Variants in PTPRD observed in about 807,000 individuals in gnomAD.
PTPRD encodes the protein protein tyrosine phosphatase receptor type D.
In PTPRD, 34 loss-of-function variants were observed where a neutral mutation model predicts 214.5. The ratio of observed to expected loss-of-function variants is 0.16; its 90% CI spans 0.12 to 0.21. The LOEUF is 0.21. Ranked by LOEUF, PTPRD falls within the 10% of genes least tolerant of loss-of-function variation. PTPRD has a pLI of 1.00. For synonymous variants in PTPRD, 1,128 were observed against 845.7 expected, an observed-to-expected ratio of 1.33 and a Z score of -5.79; for missense variants, 2,545 against 2,398.7, an observed-to-expected ratio of 1.06 and a Z score of -1.27.
intron 3 of PTPRD, among the ~76,000 whole-genome samples, chr9:10,046,266 T>C (rs2097393312): frequency 6.6e-6 from 1 of 151,828 alleles, no homozygotes; most frequent in Non-Finnish European, 1.5e-5. Flanking sequence ...TTCTCAGTTA[T>C]CCATACAATT....
chr9:8,521,755 G>A (rs2097895328), intron 19 of PTPRD, among the ~76,000 whole-genome samples: 1 of 152,118 alleles, frequency 6.6e-6, no homozygotes, highest in Non-Finnish European at 1.5e-5. Context: ...TTTAGTCATT[G>A]ATATCTTAGA....
chr9:9,782,462 A>C (rs2098857795), intron 5 of PTPRD, among the ~76,000 whole-genome samples: 1 of 152,206 alleles, frequency 6.6e-6, no homozygotes, highest in Admixed American at 6.5e-5. Flanking sequence ...ATCATAGACT[A>C]ATTGAGGTAT....
chr9:9,756,202 A>G (rs138321327), intron 6 of PTPRD, among the ~76,000 whole-genome samples: 1 of 152,202 alleles, frequency 6.6e-6, no homozygotes, highest in East Asian at 1.9e-4. Context: ...CATAAATTCT[A>G]ACTCTGAGTC....
chr9:10,248,529 A>C (rs956603786), intron 3 of PTPRD, among the ~76,000 whole-genome samples: 4 of 134,606 alleles, frequency 3.0e-5, no homozygotes, highest in East Asian at 2.1e-4. Context: ...AAAAAAAATA[A>C]AAAAAATAAA....
At chr9:10,175,211 A>G (rs1486649645) in intron 3 of PTPRD, among the ~76,000 whole-genome samples, 1 of 152,050 alleles carries the variant, frequency 6.6e-6, no homozygotes, top group Non-Finnish European at 1.5e-5. Flanking sequence ...CTTAAATCTG[A>G]TAAGGTCACT....
intron 9 of PTPRD, among the ~76,000 whole-genome samples, chr9:9,333,049 A>G (rs1290790951): frequency 1.3e-5 from 2 of 152,040 alleles, no homozygotes; most frequent in Non-Finnish European, 2.9e-5. Context: ...CACTTCAAGC[A>G]TTTATTAAAT....
At chr9:8,412,577 GCA>G (rs1052344182) in intron 35 of PTPRD, among the ~76,000 whole-genome samples, 3 of 152,104 alleles carry the variant, frequency 2.0e-5, no homozygotes, top group South Asian at 2.1e-4. Flanking sequence ...AGTACCTGAT[GCA>G]CAGTTATTAC....
intron 12 of PTPRD, among the ~76,000 whole-genome samples, chr9:8,655,145 A>G (rs375834180): frequency 3.9e-5 from 6 of 152,324 alleles, no homozygotes; most frequent in African/African-American, 1.2e-4. Context: ...CAAAGTGGCA[A>G]TCCAGCCTAG....
At chr9:8,959,067 C>G (rs904537118) in intron 11 of PTPRD, among the ~76,000 whole-genome samples, 3 of 151,988 alleles carry the variant, frequency 2.0e-5, no homozygotes, top group African/African-American at 7.2e-5. Flanking sequence ...CTCACTAAGC[C>G]AAGACATACT....
intron 36 of PTPRD, among the ~76,000 whole-genome samples, chr9:8,394,466 C>G (rs2090530659): frequency 6.6e-6 from 1 of 152,152 alleles, no homozygotes; most frequent in African/African-American, 2.4e-5. Flanking sequence ...CAATAGCAAG[C>G]ACTTGCTAAG....
At chr9:9,431,359 A>G (rs2083040542) in intron 8 of PTPRD, among the ~76,000 whole-genome samples, 1 of 152,182 alleles carries the variant, frequency 6.6e-6, no homozygotes, top group South Asian at 2.1e-4. Flanking sequence ...ATGAGATACC[A>G]TCTCACACCA....
Position 9,359,545 on chromosome 9 carries a change from G to A in PTPRD, c.-203+37904C>T, listed in dbSNP as rs112467281. On this transcript the variant is annotated intron_variant, in intron 9 of 45. Transcript: ENST00000381196. ...AAGAACAATTCTGCAGCATGGCTGG[G>A]ATTCAATAATTATTACCCCTCCCAA... 4.6e-3 allele frequency among the ~76,000 whole-genome samples: 690 copies of A among 151,278 alleles called. 11 individuals carry two copies. The highest frequency in any genetic ancestry group is 0.016 in the African/African-American group (664 of 41,418).
intron 2 of PTPRD, among the ~76,000 whole-genome samples, chr9:10,486,005 C>G (rs961841854): frequency 6.7e-6 from 1 of 148,474 alleles, no homozygotes; most frequent in African/African-American, 2.5e-5. Context: ...AGTGTCTGTT[C>G]ACATCTTTTT....
intron 3 of PTPRD, among the ~76,000 whole-genome samples, chr9:10,226,038 G>T (rs1594751532): frequency 6.6e-6 from 1 of 152,018 alleles, no homozygotes; most frequent in African/African-American, 2.4e-5. Flanking sequence ...TTCAAGGCCT[G>T]CTACATAATG....
At chr9:10,281,824 T>C (rs2095129588) in intron 3 of PTPRD, among the ~76,000 whole-genome samples, 2 of 152,194 alleles carry the variant, frequency 1.3e-5, no homozygotes, top group Admixed American at 1.3e-4. Flanking sequence ...CGAAAGGTTT[T>C]TTAAGTGAAC....
At chr9:8,410,217 A>C (rs1172009847) in intron 35 of PTPRD, among the ~76,000 whole-genome samples, 1 of 152,242 alleles carries the variant, frequency 6.6e-6, no homozygotes, top group Non-Finnish European at 1.5e-5. Context: ...TGGCATAATG[A>C]ATACTTTCTT....
intron 3 of PTPRD, among the ~76,000 whole-genome samples, chr9:10,153,079 C>G (rs2099071796): frequency 6.6e-6 from 1 of 152,034 alleles, no homozygotes; most frequent in Admixed American, 6.6e-5. Flanking sequence ...GAAATAAGTT[C>G]TGGACATCTA....
rs371690939 is a variant in PTPRD, at chr9:9,250,862, G to A, written c.-202-67499C>T. Among the ~76,000 whole-genome samples, 20 of 152,142 alleles carry A rather than the reference G, an allele frequency of 1.3e-4. No homozygotes were observed. In the East Asian group the frequency reaches 1.9e-3, roughly 15 times the overall value. On this transcript the variant is annotated intron_variant, in intron 9 of 45. Transcript: ENST00000381196. The stretch of plus-strand genomic sequence containing the variant: ...TTCCTATGATAGCAGCTTGTGAAAA[G>A]TCTTTTTATTTATTTATTTGAATTC...
intron 11 of PTPRD, among the ~76,000 whole-genome samples, chr9:9,001,759 G>A (rs78840328): frequency 0.024 from 3,637 of 151,996 alleles, 76 homozygotes; most frequent in Non-Finnish European, 0.037. Flanking sequence ...CTACTAACCC[G>A]CTCTTTTGAC....
Sources: allele counts gnomAD v4.1 joint callset (sites outside exome capture counted in the v4.1 genomes callset), GRCh38; gene constraint gnomAD v4.1.1; transcripts MANE v1.5; gene names NCBI Gene and HGNC (gene_info 2026-07-23, HGNC 2026-07-21).